The following ADAMTS16 variants were observed in gnomAD, a reference collection of about 807,000 sequenced individuals.
The protein encoded by ADAMTS16 is ADAM metallopeptidase with thrombospondin type 1 motif 16.
ADAMTS16 carries 94 observed loss-of-function variants against 145.8 expected under a neutral mutation model. The ratio of observed to expected loss-of-function variants is 0.64; its 90% CI spans 0.55 to 0.77. The LOEUF is 0.77. Among genes scored for constraint, ADAMTS16 ranks in the 30% least tolerant of loss-of-function variants. The probability of loss-of-function intolerance (pLI) is 0.00; values close to 1 mark genes in which losing one functional copy is unlikely to be tolerated. For synonymous variants in ADAMTS16, 659 were observed against 604.3 expected (o/e 1.09, Z -1.33); for missense variants, 1,585 against 1,591.5 (o/e 1.00, Z 0.07).
At chr5:5,252,521 T>A (rs933344160) in intron 17 of ADAMTS16, among the ~76,000 whole-genome samples, 1 of 152,114 alleles carries the variant, frequency 6.6e-6, no homozygotes, top group Non-Finnish European at 1.5e-5. Flanking sequence ...AGGGCTTCCC[T>A]GGAGAACTCC....
chr5:5,189,824 G>A (rs1367305948), intron 6 of ADAMTS16, 147 bp from the exon 7 acceptor site: 13 of 914,184 alleles, frequency 1.4e-5, no homozygotes, highest in Middle Eastern at 3.2e-4. Flanking sequence ...TATAGAATAC[G>A]TAAAATACAC....
rs747942470 is a variant in ADAMTS16, at chr5:5,262,717, T to G, written c.2723T>G (p.Phe908Cys). 1.9e-6 allele frequency: 3 copies of G among 1,614,208 alleles called. No homozygotes were observed. The highest frequency in any genetic ancestry group is 1.7e-5 in the Admixed American group (1 of 60,036). ...RDLKFQVNMSFCNPKTRPVTG... is the reference protein window; with the variant it reads ...RDLKFQVNMSCCNPKTRPVTG... ...CTGAAGTTTCAAGTAAATATGTCCTTCTGCAATCCCAAGACACGACCTGTC... is the reference window on the plus strand; with the variant it reads ...CTGAAGTTTCAAGTAAATATGTCCTGCTGCAATCCCAAGACACGACCTGTC... Residue 908 changes from phenylalanine (F) to cysteine (C), a missense_variant, in exon 18 of 23, where the codon TTC becomes TGC. By Grantham distance (205) the Phe-to-Cys change is radical (BLOSUM62 -2). Coordinates refer to ENST00000274181, the MANE Select transcript of ADAMTS16 (RefSeq NM_139056.4).
At chr5:5,187,864 A>G (rs1735551341) in intron 6 of ADAMTS16, 56 bp downstream of exon 6, 1 of 1,220,384 alleles carries the variant, frequency 8.2e-7, no homozygotes, top group Non-Finnish European at 1.2e-6. Context: ...TAAATGCAAA[A>G]TAATGCTTTT....
chr5:5,218,669 AAAG>A (rs1736504690), intron 10 of ADAMTS16, among the ~76,000 whole-genome samples: 1 of 152,204 alleles, frequency 6.6e-6, no homozygotes, highest in Non-Finnish European at 1.5e-5. Context: ...CTGTGGCCTC[AAAG>A]ATGAGTGCGA....
chr5:5,166,276 T>TAC (rs1014272740), intron 3 of ADAMTS16, among the ~76,000 whole-genome samples: 34 of 150,326 alleles, frequency 2.3e-4, no homozygotes, highest in Admixed American at 5.3e-4. Flanking sequence ...CACACATACA[T>TAC]ACACACACAC....
chr5:5,190,057 T>G lies in ADAMTS16; in HGVS notation c.1134T>G (p.Thr378=). 1 of 1,613,462 alleles carries G rather than the reference T, an allele frequency of 6.2e-7. No individual in the cohort carries two copies. Residue 378 remains threonine, a synonymous_variant, in exon 7 of 23, where the codon ACT becomes ACG. Transcript: ENST00000274181. ...CTGGATTGATGGGGAAAGATGGGACTCGTCATGACCACGCCATCTTACTGA... is the reference window on the plus strand; with the variant it reads ...CTGGATTGATGGGGAAAGATGGGACGCGTCATGACCACGCCATCTTACTGA... ...WQSGLMGKDG[T]RHDHAILLTG... is the part of the protein sequence containing the mutation.
chr5:5,161,470 T>A (rs1014835581), intron 3 of ADAMTS16, among the ~76,000 whole-genome samples: 1 of 152,208 alleles, frequency 6.6e-6, no homozygotes, highest in African/African-American at 2.4e-5. Flanking sequence ...AATGCACATA[T>A]GGGTGAAACT....
chr5:5,251,765 A>G (rs1356456131), intron 17 of ADAMTS16, among the ~76,000 whole-genome samples: 1 of 152,250 alleles, frequency 6.6e-6, no homozygotes, highest in Non-Finnish European at 1.5e-5. Context: ...ATTCAGCATC[A>G]CTTGGGAACT....
Position 5,300,677 on chromosome 5 carries a change from A to G in ADAMTS16, c.2790-2591A>G, listed in dbSNP as rs960144013. Among the ~76,000 whole-genome samples the G allele has an allele frequency of 2.0e-5, 3 of 152,306 alleles. No homozygotes were observed. The East Asian group carries it at 5.8e-4, about 29-fold the overall frequency. On this transcript the variant is annotated intron_variant, in intron 18 of 22. Transcript: ENST00000274181. The stretch of plus-strand genomic sequence containing the variant: ...GCTATCAAGGGTTTGGGGCGGGATC[A>G]ATTCTGTTTCCCATCCAGGAAGTAG...
At chr5:5,259,154 CA>C in intron 17 of ADAMTS16, among the ~76,000 whole-genome samples, 1 of 152,198 alleles carries the variant, frequency 6.6e-6, no homozygotes, top group East Asian at 1.9e-4. Flanking sequence ...CTTCCTTTCA[CA>C]GTGACTTCCA....
intron 21 of ADAMTS16, among the ~76,000 whole-genome samples, chr5:5,311,424 G>A (rs1740433984): frequency 6.6e-6 from 1 of 151,738 alleles, no homozygotes; most frequent in Admixed American, 6.6e-5. Flanking sequence ...TTCGGTATTA[G>A]CTAAAATTTA....
In ADAMTS16 at chr5:5,239,157, G is replaced by A. The variant is rs1284003178; in HGVS notation, c.2161G>A (p.Gly721Arg). The A allele has an allele frequency of 6.4e-7, 1 of 1,557,166 alleles. No homozygotes were observed. Among genetic ancestry groups the A allele is most frequent in the Non-Finnish European group, 8.7e-7 (1 of 1,154,202 alleles). The stretch of plus-strand genomic sequence containing the variant: ...GACCTCATGGGCCCTCCAGAGAGTT[G>A]GATGTGACAATGTCCTTGGATCTGA... ...VCIDGICERV[G>R]CDNVLGSDAV... is the part of the protein sequence containing the mutation. The change falls in exon 15 of 23, where the codon GGA becomes AGA. Residue 721 changes from glycine (G) to arginine (R), a missense_variant. Gly to Arg is a moderately radical substitution (Grantham distance 125, BLOSUM62 -2). Transcript: ENST00000274181.
chr5:5,140,507 C>G lies in ADAMTS16; in HGVS notation c.40C>G (p.Leu14Val), dbSNP rs550719329. The G allele has an allele frequency of 6.6e-7, 1 of 1,519,498 alleles. No homozygotes were observed. Among genetic ancestry groups the G allele is most frequent in the South Asian group, 1.2e-5 (1 of 82,302 alleles). The allele number at this position is 1,519,498 out of a possible 1,614,324, so 94.1% of individuals were successfully genotyped here. A position where few individuals can be genotyped will look rare whatever the true frequency, so the allele number is the denominator to read the frequency against. Reference sequence around the variant, plus strand: ...GCGCGGATGGCGGGGCTTGGCGGCGCTGTGGATGCTGTTGGCGCAGGTGGC... The same window carrying G: ...GCGCGGATGGCGGGGCTTGGCGGCGGTGTGGATGCTGTTGGCGCAGGTGGC... ...RARGWRGLAA[L>V]WMLLAQVAEQ... The change falls in exon 1 of 23, where the codon CTG (leucine) becomes GTG (valine). Residue 14 changes from leucine (L) to valine (V), a missense_variant. By Grantham distance (32) the Leu-to-Val change is conservative (BLOSUM62 1). Transcript: ENST00000274181.
chr5:5,265,984 A>G (rs1158192734), intron 18 of ADAMTS16, among the ~76,000 whole-genome samples: 1 of 108,318 alleles, frequency 9.2e-6, no homozygotes, highest in Non-Finnish European at 1.8e-5. Context: ...AGACTTAAAG[A>G]AGTGTGTGTG....
At chr5:5,297,368 G>C (rs1392882039) in intron 18 of ADAMTS16, among the ~76,000 whole-genome samples, 5 of 152,204 alleles carry the variant, frequency 3.3e-5, no homozygotes, top group African/African-American at 1.2e-4. Flanking sequence ...TGGAAAGTGG[G>C]CAGAGGGGCA....
intron 11 of ADAMTS16, among the ~76,000 whole-genome samples, chr5:5,225,122 C>T (rs1736722356): frequency 6.6e-6 from 1 of 152,154 alleles, no homozygotes; most frequent in Admixed American, 6.5e-5. Context: ...CCAGGGTCAC[C>T]TGGCTGTTCA....
chr5:5,265,777 T>A (rs2126439682), intron 18 of ADAMTS16, among the ~76,000 whole-genome samples: 1 of 152,338 alleles, frequency 6.6e-6, no homozygotes, highest in Non-Finnish European at 1.5e-5. Context: ...GGTCTGCTTG[T>A]GTTCCAGTTG....
intron 17 of ADAMTS16, among the ~76,000 whole-genome samples, chr5:5,247,626 C>T (rs1346459): frequency 0.12 from 17,853 of 152,294 alleles, 1,098 homozygotes; most frequent in South Asian, 0.17. Context: ...GTTCCCACTA[C>T]GTGGCCATGG....
rs1736950421 is a variant in ADAMTS16, at chr5:5,232,264, T to C, written c.1702-104T>C. On this transcript the variant is annotated intron_variant, in intron 11 of 22. Coordinates refer to ENST00000274181, the MANE Select transcript of ADAMTS16 (RefSeq NM_139056.4). Reference sequence around the variant, plus strand: ...GTGTAGGGGGAGGCTAATGTCTGCATAGTTTACAAAATTCCCCACTGCTCA... The same window carrying C: ...GTGTAGGGGGAGGCTAATGTCTGCACAGTTTACAAAATTCCCCACTGCTCA... The C allele has an allele frequency of 5.2e-6, 7 of 1,343,576 alleles. 1 individual carries two copies. The Admixed American group carries it at 1.3e-4, about 24-fold the overall frequency. The allele number at this position is 1,343,576 out of a possible 1,614,324, so 83.2% of individuals were successfully genotyped here.
Sources: allele counts gnomAD v4.1 joint callset (sites outside exome capture counted in the v4.1 genomes callset), GRCh38; gene constraint gnomAD v4.1.1; transcripts MANE v1.5; gene names NCBI Gene and HGNC (gene_info 2026-07-23, HGNC 2026-07-21).